The following ZNF536 variants were observed in gnomAD, a reference collection of about 807,000 sequenced individuals.
ZNF536 encodes the protein zinc finger protein 536.
In ZNF536, 13 loss-of-function variants were observed where a neutral mutation model predicts 84.5. The ratio of observed to expected loss-of-function variants is 0.15; its 90% confidence interval spans 0.10 to 0.24. The LOEUF is 0.24. ZNF536 is among the 10% of genes least tolerant of loss of function. The probability of loss-of-function intolerance (pLI) is 1.00; values close to 1 mark genes in which losing one functional copy is unlikely to be tolerated. For missense variants in ZNF536, 1,536 were observed against 1,747.5 expected (o/e 0.88, Z 2.16); for synonymous variants, 811 against 742.5 (o/e 1.09, Z -1.50).
At chr19:30,267,990 C>A (rs748363211) in intron 1 of ZNF536, among the ~76,000 whole-genome samples, 15 of 151,722 alleles carry the variant, frequency 9.9e-5, no homozygotes, top group Non-Finnish European at 1.8e-4. Context: ...TATATAATTT[C>A]TCATATGGAG....
chr19:30,639,864 G>A (rs1458860242), intron 1 of ZNF536, among the ~76,000 whole-genome samples: 2 of 151,836 alleles, frequency 1.3e-5, no homozygotes, highest in African/African-American at 2.4e-5. Context: ...AGCAAGCCCA[G>A]CATTCTGTGC....
intron 1 of ZNF536, among the ~76,000 whole-genome samples, chr19:30,623,320 T>C (rs1188441150): frequency 6.6e-6 from 1 of 152,244 alleles, no homozygotes; most frequent in Non-Finnish European, 1.5e-5. Flanking sequence ...GGTACTATTT[T>C]CAGCACAGTG....
chr19:30,538,977 G>A (rs2045206909), intron 3 of ZNF536, among the ~76,000 whole-genome samples: 2 of 152,134 alleles, frequency 1.3e-5, no homozygotes, highest in African/African-American at 2.4e-5. Context: ...GGAGGCCGAG[G>A]CGGGAGGATT....
Position 30,422,856 on chromosome 19 carries a change from A to ACCATCCAT in ZNF536, c.-2-20680_-2-20673dup, listed in dbSNP as rs756085321. On this transcript the variant is annotated intron_variant, in intron 1 of 4. Transcript: ENST00000355537. ...ACACATTCATCCATCCATCCATCCA[A>ACCATCCAT]CCATCCATCCATCCATCCATCCATC... 3.8e-4 allele frequency among the ~76,000 whole-genome samples: 46 copies of ACCATCCAT among 119,512 alleles called. 1 individual carries two copies. Among genetic ancestry groups the ACCATCCAT allele is most frequent in the Middle Eastern group, 5.1e-3 (1 of 198 alleles). The allele number at this position is 119,512 out of a possible 152,430, so 78.4% of individuals were successfully genotyped here. A position where few individuals can be genotyped will look rare whatever the true frequency, so the allele number is the denominator to read the frequency against.
chr19:30,460,093 C>A (rs965806559), intron 2 of ZNF536, among the ~76,000 whole-genome samples: 1 of 152,146 alleles, frequency 6.6e-6, no homozygotes, highest in Non-Finnish European at 1.5e-5. Flanking sequence ...CCAAACAGAG[C>A]AGCACTTTTT....
At chr19:30,360,342 T>A (rs1164711407) in intron 3 of ZNF536, among the ~76,000 whole-genome samples, 1 of 152,260 alleles carries the variant, frequency 6.6e-6, no homozygotes, top group Non-Finnish European at 1.5e-5. Flanking sequence ...ATTTCTGTAA[T>A]CCCTTTATTG....
At chr19:30,370,996 A>G (rs2048594995), upstream of ZNF536, among the ~76,000 whole-genome samples, 1 of 152,192 alleles carries the variant, frequency 6.6e-6, no homozygotes, top group Non-Finnish European at 1.5e-5. Context: ...TATGGTATTG[A>G]TTGTGGTAAA....
intron 1 of ZNF536, among the ~76,000 whole-genome samples, chr19:30,421,991 T>G (rs1349254198): frequency 6.6e-6 from 1 of 152,084 alleles, no homozygotes; most frequent in Non-Finnish European, 1.5e-5. Context: ...TGCATTAAAG[T>G]AAAAAATAGT....
intron 1 of ZNF536, among the ~76,000 whole-genome samples, chr19:30,416,867 C>A (rs904503159): frequency 6.6e-6 from 1 of 152,134 alleles, no homozygotes; most frequent in Non-Finnish European, 1.5e-5. Context: ...CTGCACTTTC[C>A]ATTTTGAGTT....
chr19:30,608,695 G>A (rs1280231498), intron 1 of ZNF536, among the ~76,000 whole-genome samples: 3 of 152,164 alleles, frequency 2.0e-5, no homozygotes, highest in Non-Finnish European at 2.9e-5. Context: ...CTAGAGTCTC[G>A]ATCACATAGT....
At chr19:30,604,015 G>A (rs1230100997) in intron 1 of ZNF536, among the ~76,000 whole-genome samples, 1 of 152,158 alleles carries the variant, frequency 6.6e-6, no homozygotes, top group African/African-American at 2.4e-5. Flanking sequence ...GCTTGAACCT[G>A]GGAGGCCGAG....
At chr19:30,687,984 T>TA (rs2051259924) in intron 1 of ZNF536, among the ~76,000 whole-genome samples, 2 of 149,740 alleles carry the variant, frequency 1.3e-5, no homozygotes, top group South Asian at 4.3e-4. Flanking sequence ...CTTTATTTTT[T>TA]AAAAAAGAGC....
chr19:30,665,061 T>C (rs1205698391), intron 1 of ZNF536, among the ~76,000 whole-genome samples: 3 of 152,262 alleles, frequency 2.0e-5, no homozygotes, highest in Non-Finnish European at 4.4e-5. Flanking sequence ...GCATAAGCAG[T>C]GGCCAGGCGC....
At position 30,239,543 on chromosome 19, in the gene ZNF536, A is replaced by G. The variant is rs147569008; in HGVS notation, c.-190+10870A>G. ...GAATCGACAGTCATGAGACAGACAC[A>G]CTTGTTGTAGTTGCAAAGATTCTAC... is the stretch of plus-strand genomic sequence containing the variant. On this transcript the variant is annotated intron_variant, in intron 1 of 5. Transcript: ENST00000585628. 3.0e-3 allele frequency among the ~76,000 whole-genome samples: 461 copies of G among 152,300 alleles called. 4 individuals are homozygous for G. Among genetic ancestry groups the G allele is most frequent in the African/African-American group, 0.01 (435 of 41,576 alleles).
rs1454517945 is a variant in ZNF536 at position 30,438,571 on chromosome 19, G to A, written c.-2-4990G>A. ...TATTCCCTATGGGGCCTGTAAGGGA[G>A]CAGCATGGTCTGAAAGGGAAGGCTC... is the stretch of plus-strand genomic sequence containing the variant. On this transcript the variant is annotated intron_variant, in intron 1 of 4. Coordinates refer to ENST00000355537, the MANE Select transcript of ZNF536 (RefSeq NM_014717.3). 2.6e-5 allele frequency among the ~76,000 whole-genome samples: 4 copies of A among 152,344 alleles called. No homozygotes were observed. The East Asian group carries it at 5.8e-4, about 22-fold the overall frequency.
At chr19:30,407,262 T>C (rs2050298446) in intron 1 of ZNF536, among the ~76,000 whole-genome samples, 1 of 152,196 alleles carries the variant, frequency 6.6e-6, no homozygotes, top group Non-Finnish European at 1.5e-5. Flanking sequence ...GTTTTGCTAG[T>C]TTTTCTAAAC....
chr19:30,468,071 G>T (rs961149241), intron 2 of ZNF536, among the ~76,000 whole-genome samples: 1 of 152,214 alleles, frequency 6.6e-6, no homozygotes, highest in African/African-American at 2.4e-5. Context: ...TGAAAAATGT[G>T]TCACCGCCCA....
chr19:30,440,353 C>T (rs983529457), intron 1 of ZNF536, among the ~76,000 whole-genome samples: 1 of 152,102 alleles, frequency 6.6e-6, no homozygotes, highest in Non-Finnish European at 1.5e-5. Context: ...ATCGTAGGTG[C>T]TCATGGACTT....
Position 30,702,049 on chromosome 19 carries a change from A to T in ZNF536, c.170-8708A>T, listed in dbSNP as rs540516991. Reference sequence around the variant, plus strand: ...AAGCCATCAGTTTGGAAAGTCTGGAAGCCCCATAGACGCAGCCCCCTCTCT... The same window carrying T: ...AAGCCATCAGTTTGGAAAGTCTGGATGCCCCATAGACGCAGCCCCCTCTCT... On this transcript the variant is annotated intron_variant, in intron 1 of 1. Transcript: ENST00000592773. Among the ~76,000 whole-genome samples, 288 of 152,332 alleles carry T rather than the reference A, an allele frequency of 1.9e-3. 1 individual carries two copies. The highest frequency in any genetic ancestry group is 6.7e-3 in the African/African-American group (278 of 41,588).
Sources: gnomAD v4.1 joint callset for allele counts (sites outside exome capture counted in the v4.1 genomes callset) on GRCh38, gnomAD v4.1.1 for gene constraint, MANE v1.5 for transcripts, NCBI Gene and HGNC (gene_info 2026-07-23, HGNC 2026-07-21) for gene names.